The following LUZP2 variants were observed in gnomAD, a reference collection of about 807,000 sequenced individuals.
The protein encoded by LUZP2 is leucine zipper protein 2.
LUZP2 carries 52 observed loss-of-function variants against 51.6 expected under a neutral mutation model. The observed-to-expected ratio is 1.01, with a 90% CI of 0.81 to 1.27. LUZP2 has a LOEUF of 1.27. LUZP2 is among the 50% of genes most tolerant of loss of function. LUZP2 has a pLI of 0.00. For missense variants in LUZP2, 436 were observed against 395.4 expected, an observed-to-expected ratio of 1.10 and a Z score of -0.87; for synonymous variants, 154 against 137.3, an observed-to-expected ratio of 1.12 and a Z score of -0.85.
chr11:25,001,604 G>A (rs1856682571), intron 9 of LUZP2, among the ~76,000 whole-genome samples: 1 of 152,194 alleles, frequency 6.6e-6, no homozygotes, highest in South Asian at 2.1e-4. Context: ...TTACAGAGAA[G>A]ACCTTCAATT....
At chr11:24,541,915 A>G (rs188979069) in intron 1 of LUZP2, among the ~76,000 whole-genome samples, 3 of 152,238 alleles carry the variant, frequency 2.0e-5, no homozygotes, top group East Asian at 1.9e-4. Context: ...ATAAGAAAAA[A>G]AAAACACCTG....
chr11:24,996,296 T>C (rs1474447182), intron 9 of LUZP2, among the ~76,000 whole-genome samples: 4 of 151,336 alleles, frequency 2.6e-5, no homozygotes, highest in Non-Finnish European at 4.4e-5. Flanking sequence ...TCCCTGTTCA[T>C]ATTTCCTCTA....
intron 5 of LUZP2, among the ~76,000 whole-genome samples, chr11:24,798,882 C>T (rs998319770): frequency 2.0e-5 from 3 of 152,048 alleles, no homozygotes; most frequent in African/African-American, 7.2e-5. Flanking sequence ...AGAAGTGCCA[C>T]CAGTGCAAGG....
chr11:24,962,112 G>C (rs983348461), intron 7 of LUZP2, among the ~76,000 whole-genome samples: 2 of 152,130 alleles, frequency 1.3e-5, no homozygotes, highest in Non-Finnish European at 2.9e-5. Flanking sequence ...TCTGCTGAGA[G>C]ATCTCCTGTT....
chr11:24,914,633 C>T, intron 7 of LUZP2, 95 bp downstream of exon 7: 1 of 880,730 alleles, frequency 1.1e-6, no homozygotes, highest in Non-Finnish European at 1.7e-6. Context: ...TCTGGAATTT[C>T]TCATGAATTG....
intron 5 of LUZP2, among the ~76,000 whole-genome samples, chr11:24,849,597 T>C (rs1590635419): frequency 6.6e-6 from 1 of 152,196 alleles, no homozygotes; most frequent in African/African-American, 2.4e-5. Flanking sequence ...CGTGTGCATG[T>C]TTCTTTATAG....
chr11:24,988,069 G>T (rs1328185040), intron 9 of LUZP2, among the ~76,000 whole-genome samples: 8 of 151,958 alleles, frequency 5.3e-5, no homozygotes. Context: ...AAGTAAGCTT[G>T]CCCTATCTCT....
intron 5 of LUZP2, among the ~76,000 whole-genome samples, chr11:24,818,661 T>C (rs1850261770): frequency 6.6e-6 from 1 of 152,074 alleles, no homozygotes; most frequent in Admixed American, 6.6e-5. Context: ...AACAAATATT[T>C]ACTGTGAGAT....
chr11:24,731,969 C>T (rs1019762530), intron 2 of LUZP2, 149 bp from the exon 3 acceptor site: 21 of 537,514 alleles, frequency 3.9e-5, no homozygotes, highest in Non-Finnish European at 6.2e-5. Flanking sequence ...CTGTTTACAT[C>T]CTTGGAGCCG....
intron 1 of LUZP2, among the ~76,000 whole-genome samples, chr11:24,544,534 G>A (rs1851481574): frequency 6.6e-6 from 1 of 152,058 alleles, no homozygotes; most frequent in Non-Finnish European, 1.5e-5. Context: ...GTAAGAATAT[G>A]TGGAATTTGG....
At chr11:24,585,815 C>T (rs186431972) in intron 1 of LUZP2, among the ~76,000 whole-genome samples, 1 of 152,152 alleles carries the variant, frequency 6.6e-6, no homozygotes, top group Non-Finnish European at 1.5e-5. Context: ...CTGTCTTACT[C>T]TTACAAGGAA....
intron 9 of LUZP2, among the ~76,000 whole-genome samples, chr11:25,032,534 G>A (rs1424517726): frequency 6.6e-6 from 1 of 152,106 alleles, no homozygotes; most frequent in East Asian, 1.9e-4. Flanking sequence ...ACCCAGAAAT[G>A]TCAGTAGATG....
chr11:24,753,401 T>G (rs1023328462), intron 4 of LUZP2, among the ~76,000 whole-genome samples: 7 of 152,164 alleles, frequency 4.6e-5, no homozygotes, highest in African/African-American at 4.8e-5. Context: ...GCTTCATTAC[T>G]TCAGCTTTAT....
intron 5 of LUZP2, chr11:24,785,982 G>A (rs1481703748): frequency 2.0e-6 from 2 of 985,174 alleles, no homozygotes; most frequent in Non-Finnish European, 2.4e-6. Context: ...GGACTTACAA[G>A]CTTCACATTT....
intron 4 of LUZP2, among the ~76,000 whole-genome samples, chr11:24,752,844 T>A (rs889673101): frequency 9.2e-5 from 14 of 151,996 alleles, no homozygotes; most frequent in African/African-American, 3.4e-4. Flanking sequence ...TGGGTTAAAT[T>A]TAATAATTTA....
intron 5 of LUZP2, among the ~76,000 whole-genome samples, chr11:24,794,328 T>C (rs1448637975): frequency 6.6e-6 from 1 of 152,132 alleles, no homozygotes; most frequent in African/African-American, 2.4e-5. Context: ...TGTACAGAGA[T>C]GAGTTTCTTA....
intron 5 of LUZP2, among the ~76,000 whole-genome samples, chr11:24,903,438 C>T (rs889580297): frequency 6.6e-6 from 1 of 152,088 alleles, no homozygotes; most frequent in African/African-American, 2.4e-5. Context: ...AACTGTACCC[C>T]CTCACTCCAT....
At chr11:24,875,779 T>C (rs1394007601) in intron 5 of LUZP2, among the ~76,000 whole-genome samples, 1 of 152,228 alleles carries the variant, frequency 6.6e-6, no homozygotes, top group South Asian at 2.1e-4. Flanking sequence ...TTCCTGACTT[T>C]CTCATGATTG....
chr11:24,812,034 T>C (rs1288334206), intron 5 of LUZP2, among the ~76,000 whole-genome samples: 4 of 152,158 alleles, frequency 2.6e-5, no homozygotes, highest in African/African-American at 9.7e-5. Flanking sequence ...ACCCTATGAT[T>C]GAAGAATTAT....
Sources: gnomAD v4.1 joint callset for allele counts (sites outside exome capture counted in the v4.1 genomes callset) on GRCh38, gnomAD v4.1.1 for gene constraint, MANE v1.5 for transcripts, NCBI Gene and HGNC (gene_info 2026-07-23, HGNC 2026-07-21) for gene names.